The following HEPACAM2 variants were observed in gnomAD, a reference collection of about 807,000 sequenced individuals.
HEPACAM2 encodes the protein mitotic kinetics regulator.
A neutral mutation model predicts 49.6 loss-of-function variants in HEPACAM2; 49 were observed. The ratio of observed to expected loss-of-function variants is 0.99; its 90% CI spans 0.78 to 1.25. The LOEUF (loss-of-function observed/expected upper bound fraction) is 1.25, where lower values mean the gene tolerates loss of function less well. HEPACAM2 is among the 50% of genes most tolerant of loss of function. The probability of loss-of-function intolerance (pLI) is 0.00; values close to 1 mark genes in which losing one functional copy is unlikely to be tolerated. For synonymous variants in HEPACAM2, 197 were observed against 202.9 expected, an observed-to-expected ratio of 0.97 and a Z score of 0.25; for missense variants, 525 against 557.2, an observed-to-expected ratio of 0.94 and a Z score of 0.58.
At chr7:93,218,684 C>T (rs1794371335) in intron 2 of HEPACAM2, among the ~76,000 whole-genome samples, 2 of 152,080 alleles carry the variant, frequency 1.3e-5, no homozygotes, top group Admixed American at 1.3e-4. Context: ...CCTTAAGTAC[C>T]ATTCTTGCAC....
chr7:93,201,978 C>A (rs1297769905), intron 4 of HEPACAM2, among the ~76,000 whole-genome samples: 2 of 76,100 alleles, frequency 2.6e-5, no homozygotes, highest in African/African-American at 1.0e-4. Context: ...AAGATAAAGG[C>A]AAATAGAATG....
intron 8 of HEPACAM2, among the ~76,000 whole-genome samples, chr7:93,194,424 GA>G (rs1302951759): frequency 6.6e-6 from 1 of 152,122 alleles, no homozygotes; most frequent in Non-Finnish European, 1.5e-5. Context: ...GAAGCTGTTT[GA>G]AATAACTGAT....
At chr7:93,203,936 G>T (rs1793960443) in intron 4 of HEPACAM2, among the ~76,000 whole-genome samples, 1 of 152,094 alleles carries the variant, frequency 6.6e-6, no homozygotes, top group Admixed American at 6.6e-5. Context: ...TTCAGTGCTG[G>T]ATGCTCATGG....
At chr7:93,190,913 T>G (rs1793527678) in intron 9 of HEPACAM2, among the ~76,000 whole-genome samples, 1 of 152,052 alleles carries the variant, frequency 6.6e-6, no homozygotes, top group Non-Finnish European at 1.5e-5. Flanking sequence ...AACCCCAAGT[T>G]GTCATTTGGT....
chr7:93,201,749 G>A (rs1793888589), intron 4 of HEPACAM2, among the ~76,000 whole-genome samples: 1 of 151,962 alleles, frequency 6.6e-6, no homozygotes, highest in Non-Finnish European at 1.5e-5. Context: ...AATCCTCTCT[G>A]TATATGATGT....
Position 93,208,892 on chromosome 7 carries a change from A to C in HEPACAM2, c.716-16T>G, listed in dbSNP as rs773964428. ...TAAGGTCCATCTGCATCAATATAAA[A>C]AAAAATAGATAAGTAACACAAGTAA... On this transcript the variant is annotated splice_polypyrimidine_tract_variant and intron_variant, in intron 3 of 9. Transcript: ENST00000394468. The C allele has an allele frequency of 1.9e-6, 3 of 1,539,296 alleles. No homozygotes were observed.
chr7:93,189,008 C>T lies in HEPACAM2; in HGVS notation c.*259G>A, dbSNP rs112556032. On this transcript the variant is annotated 3_prime_UTR_variant, in exon 10 of 10. Transcript: ENST00000394468. ...GGAAACCCCTGTCACTTTCGTTCTC[C>T]CCGTCAGCATGAGAACGACTCTCCA... The T allele has an allele frequency of 2.2e-5, 10 of 461,000 alleles. No homozygotes were observed. The highest frequency in any genetic ancestry group is 8.0e-5 in the African/African-American group (4 of 49,832). The allele number at this position is 461,000 out of a possible 1,614,324, so 28.6% of individuals were successfully genotyped here.
chr7:93,199,419 G>A (rs140620226), intron 4 of HEPACAM2, among the ~76,000 whole-genome samples: 1 of 152,170 alleles, frequency 6.6e-6, no homozygotes, highest in East Asian at 1.9e-4. Context: ...CTTTTAGTTT[G>A]GAACCACTTT....
chr7:93,218,998 A>G (rs960757524), intron 2 of HEPACAM2, 103 bp downstream of exon 2: 1 of 911,566 alleles, frequency 1.1e-6, no homozygotes, highest in African/African-American at 1.7e-5. Flanking sequence ...TGATTTGTGC[A>G]AAGTTGTGAA....
intron 1 of HEPACAM2, among the ~76,000 whole-genome samples, chr7:93,223,247 T>G (rs1794483711): frequency 6.6e-6 from 1 of 152,172 alleles, no homozygotes; most frequent in Non-Finnish European, 1.5e-5. Context: ...GAGATTTATT[T>G]AATATTCTGG....
chr7:93,217,605 C>A (rs1042915062), intron 2 of HEPACAM2, among the ~76,000 whole-genome samples: 12 of 152,124 alleles, frequency 7.9e-5, no homozygotes, highest in Admixed American at 7.9e-4. Flanking sequence ...CCTCCCCAGT[C>A]TCCTCTGTGG....
intron 4 of HEPACAM2, among the ~76,000 whole-genome samples, chr7:93,206,725 G>C (rs752738485): frequency 6.6e-6 from 1 of 152,060 alleles, no homozygotes; most frequent in Non-Finnish European, 1.5e-5. Flanking sequence ...AATGAGGTTA[G>C]TGGCTATCAT....
rs1793457810 is a variant in HEPACAM2, at chr7:93,188,670, T to G, written c.*597A>C. 1 of 213,342 alleles carries G rather than the reference T, an allele frequency of 4.7e-6. No homozygotes were observed. The highest frequency in any genetic ancestry group is 1.0e-4 in the East Asian group (1 of 9,964). 13.2% of individuals were successfully genotyped at this position (213,342 alleles called of 1,614,324 possible). ...AGACTTTAATAGTCATTTCCTTAAG[T>G]GTTCACAAGTCTTCTCAAAAATACT... On this transcript the variant is annotated 3_prime_UTR_variant, in exon 10 of 10. Transcript: ENST00000394468.
At chr7:93,223,629 T>A (rs1794490401) in intron 1 of HEPACAM2, among the ~76,000 whole-genome samples, 1 of 152,138 alleles carries the variant, frequency 6.6e-6, no homozygotes, top group African/African-American at 2.4e-5. Flanking sequence ...AAATGAAAAG[T>A]TTTTTTCAAA....
At chr7:93,191,020 A>G (rs1793530972) in intron 9 of HEPACAM2, among the ~76,000 whole-genome samples, 1 of 152,104 alleles carries the variant, frequency 6.6e-6, no homozygotes, top group South Asian at 2.1e-4. Flanking sequence ...ATTAGATTAA[A>G]TCTTAGAAAG....
In HEPACAM2 at chr7:93,197,627, A is replaced by G; in HGVS notation, c.1013-17T>C. 1.9e-6 allele frequency: 3 copies of G among 1,545,958 alleles called. No homozygotes were observed. Among genetic ancestry groups the G allele is most frequent in the Non-Finnish European group, 2.6e-6 (3 of 1,147,510 alleles). ...TCTCCAGTCCTAAATAAAAAGATAA[A>G]CATATTTTTAGCAATAAATTGCTAC... On this transcript the variant is annotated splice_polypyrimidine_tract_variant and intron_variant, in intron 4 of 9. Transcript: ENST00000394468.
intron 3 of HEPACAM2, among the ~76,000 whole-genome samples, chr7:93,211,631 C>T (rs1351115180): frequency 6.6e-6 from 1 of 151,958 alleles, no homozygotes; most frequent in African/African-American, 2.4e-5. Context: ...TGGCTATTAT[C>T]TCAGGCCCTG....
chr7:93,207,942 T>C (rs1301317186), intron 4 of HEPACAM2, among the ~76,000 whole-genome samples: 1 of 151,900 alleles, frequency 6.6e-6, no homozygotes, highest in East Asian at 1.9e-4. Context: ...GAAGAGAAGG[T>C]GTAGAAGGAT....
intron 9 of HEPACAM2, among the ~76,000 whole-genome samples, chr7:93,189,870 C>T (rs1793498176): frequency 6.6e-6 from 1 of 151,904 alleles, no homozygotes; most frequent in African/African-American, 2.4e-5. Context: ...GAGTCACCAA[C>T]CACCTATAAT....
Sources: gnomAD v4.1 joint callset for allele counts (sites outside exome capture counted in the v4.1 genomes callset) on GRCh38, gnomAD v4.1.1 for gene constraint, MANE v1.5 for transcripts, NCBI Gene and HGNC (gene_info 2026-07-23, HGNC 2026-07-21) for gene names.